The following NIBAN2 variants were observed in gnomAD, a reference collection of about 807,000 sequenced individuals.
The protein encoded by NIBAN2 is niban apoptosis regulator 2, also known as protein Niban 2.
NIBAN2 carries 36 observed loss-of-function variants against 81.8 expected under a neutral mutation model. The observed-to-expected ratio is 0.44, with a 90% CI of 0.34 to 0.58. NIBAN2 has a LOEUF of 0.58. NIBAN2 is among the 20% of genes least tolerant of loss of function. NIBAN2 has a pLI of 0.02. For synonymous variants in NIBAN2, 445 were observed against 441.6 expected (o/e 1.01, Z -0.10); for missense variants, 897 against 1,014.1 (o/e 0.88, Z 1.57).
chr9:127,551,763 T>C (rs1837581373), intron 1 of NIBAN2, among the ~76,000 whole-genome samples: 1 of 151,740 alleles, frequency 6.6e-6, no homozygotes, highest in African/African-American at 2.4e-5. Flanking sequence ...TACCACAGTG[T>C]CATGCACATG....
In NIBAN2 at chr9:127,507,812, A is replaced by G; in HGVS notation, c.1654+55T>C. 1 of 1,521,710 alleles carries G rather than the reference A, an allele frequency of 6.6e-7. No homozygotes were observed. The highest frequency in any genetic ancestry group is 9.1e-7 in the Non-Finnish European group (1 of 1,097,108). 94.3% of individuals were successfully genotyped at this position (1,521,710 alleles called of 1,614,324 possible). ...ACCCCCTCAGCTGCCACCACTTCTC[A>G]GCTGCGCCCCCAGCATCCTCCTGGC... is the stretch of plus-strand genomic sequence containing the variant. On this transcript the variant is annotated intron_variant, in intron 13 of 13. Transcript: ENST00000373312. This position sits in a 1 kb window ranked among gnomAD's most constrained non-coding sequence, Gnocchi z 6.8.
At position 127,508,494 on chromosome 9, in the gene NIBAN2, C is replaced by T; in HGVS notation, c.1362G>A (p.Gln454=). The T allele has an allele frequency of 6.2e-7, 1 of 1,613,964 alleles. No individual in the cohort carries two copies. Among genetic ancestry groups the T allele is most frequent in the African/African-American group, 1.3e-5 (1 of 75,042 alleles). ...AVYTFETLLH[Q]ELGKGPTKEE... ...CCTTGGTGGGCCCCTTCCCCAGCTC[C>T]TGGTGCAGGAGGGTCTCGAACGTAT... The change falls in exon 11 of 14, where the codon CAG becomes CAA. Residue 454 remains glutamine (Q), a synonymous_variant. Transcript: ENST00000373312. The surrounding 1 kb of genome is among the most constrained non-coding windows in gnomAD (Gnocchi z 6.4).
rs1836989034 is a variant in NIBAN2, at chr9:127,523,195, AT to A, written c.589+483del. 5.7e-3 allele frequency among the ~76,000 whole-genome samples: 26 copies of A among 4,558 alleles called. 5 individuals carry two copies. Among genetic ancestry groups the A allele is most frequent in the Non-Finnish European group, 8.9e-3 (22 of 2,474 alleles). The allele number at this position is 4,558 out of a possible 152,430, so 3.0% of individuals were successfully genotyped here. ...AAAAAAAAAAAAAAAAAAAAAAAAT[AT>A]ATATATATATATATATATATATATA... On this transcript the variant is annotated intron_variant, in intron 5 of 13. Coordinates refer to ENST00000373312, the MANE Select transcript of NIBAN2 (RefSeq NM_022833.4).
chr9:127,515,413 C>G (rs1444257994), intron 8 of NIBAN2, among the ~76,000 whole-genome samples: 7 of 150,650 alleles, frequency 4.6e-5, no homozygotes, highest in African/African-American at 1.7e-4. Flanking sequence ...CCCAGCTACT[C>G]AGGAGGCTGA....
At chr9:127,558,429 G>T (rs1276029853) in intron 1 of NIBAN2, among the ~76,000 whole-genome samples, 1 of 152,182 alleles carries the variant, frequency 6.6e-6, no homozygotes, top group African/African-American at 2.4e-5. Flanking sequence ...GAGAGCATAG[G>T]CATGTCCCAT....
At chr9:127,533,281 C>G (rs1837218102) in intron 1 of NIBAN2, among the ~76,000 whole-genome samples, 1 of 151,704 alleles carries the variant, frequency 6.6e-6, no homozygotes, top group African/African-American at 2.4e-5. Context: ...ACGGTGAAAC[C>G]CTGTATCTAC....
Position 127,523,859 on chromosome 9 carries a change from T to A in NIBAN2, c.422-13A>T. ...TTTGCCGTGGTCCCTGTGGAGACAG[T>A]GCCTGATGAGCAGCTGCCCTCTGTG... On this transcript the variant is annotated splice_polypyrimidine_tract_variant and intron_variant, in intron 4 of 13. Transcript: ENST00000373312. The A allele has an allele frequency of 6.2e-7, 1 of 1,602,492 alleles. No individual in the cohort carries two copies. Among genetic ancestry groups the A allele is most frequent in the Non-Finnish European group, 8.5e-7 (1 of 1,170,390 alleles).
chr9:127,557,536 G>A (rs1279704213), intron 1 of NIBAN2, among the ~76,000 whole-genome samples: 2 of 152,200 alleles, frequency 1.3e-5, no homozygotes, highest in Non-Finnish European at 2.9e-5. Flanking sequence ...TCCACCCGGG[G>A]GCCTCCAGGC....
chr9:127,573,191 G>T (rs1469753687), upstream of NIBAN2, among the ~76,000 whole-genome samples: 1 of 152,218 alleles, frequency 6.6e-6, no homozygotes, highest in Admixed American at 6.5e-5. Flanking sequence ...GTGAGTCCTT[G>T]TGGGGCCTAA....
intron 1 of NIBAN2, among the ~76,000 whole-genome samples, chr9:127,532,795 G>A (rs1294268937): frequency 1.3e-5 from 2 of 151,682 alleles, no homozygotes. Flanking sequence ...CACTTTGGGA[G>A]ACTAAGGCAG....
chr9:127,552,361 C>T (rs993171529), intron 1 of NIBAN2, among the ~76,000 whole-genome samples: 2 of 152,190 alleles, frequency 1.3e-5, no homozygotes. Flanking sequence ...TCACTTAAGG[C>T]CAGGAGTTTC....
At chr9:127,516,783 C>T in intron 8 of NIBAN2, 74 bp downstream of exon 8, 4 of 1,445,428 alleles carry the variant, frequency 2.8e-6, no homozygotes, top group Non-Finnish European at 3.8e-6. Context: ...GTGAAATTTA[C>T]ATGAATCATG....
intron 1 of NIBAN2, among the ~76,000 whole-genome samples, chr9:127,538,225 G>A (rs553566221): frequency 8.7e-4 from 133 of 152,236 alleles, no homozygotes; most frequent in Admixed American, 1.5e-3. Flanking sequence ...CATCCTATCG[G>A]GTTATTGAGG....
intron 1 of NIBAN2, among the ~76,000 whole-genome samples, chr9:127,574,525 G>T (rs1216118318): frequency 2.0e-5 from 3 of 152,086 alleles, no homozygotes; most frequent in Non-Finnish European, 2.9e-5. Context: ...TTCCGCAGGA[G>T]CCCAGCCCAA....
chr9:127,540,809 G>A (rs905632753), intron 1 of NIBAN2, among the ~76,000 whole-genome samples: 6 of 152,260 alleles, frequency 3.9e-5, no homozygotes, highest in African/African-American at 7.2e-5. Context: ...AGTGGAGGGC[G>A]CTGTGCCAGA....
At chr9:127,542,138 T>A (rs1837391274) in intron 1 of NIBAN2, among the ~76,000 whole-genome samples, 10 of 152,170 alleles carry the variant, frequency 6.6e-5, no homozygotes, top group Admixed American at 6.5e-4. Flanking sequence ...CTTCCAGTGG[T>A]ACAGCTCCTA....
intron 1 of NIBAN2, among the ~76,000 whole-genome samples, chr9:127,539,090 G>C (rs184792565): frequency 4.3e-4 from 66 of 152,164 alleles, no homozygotes; most frequent in African/African-American, 1.5e-3. Flanking sequence ...TGATCTTTTG[G>C]GAATGATAGA....
In NIBAN2 at chr9:127,517,500, G is replaced by A. The variant is rs1210973599; in HGVS notation, c.706-284C>T. 6.6e-6 allele frequency among the ~76,000 whole-genome samples: 1 copy of A among 152,148 alleles called. No individual in the cohort carries two copies. Among genetic ancestry groups the A allele is most frequent in the Non-Finnish European group, 1.5e-5 (1 of 68,020 alleles). ...ACCATACTCCCTCCCTGCTTTGCCT[G>A]CACATGGAAGTGTACATTTATTTGC... On this transcript the variant is annotated intron_variant, in intron 6 of 13. Coordinates refer to ENST00000373312, the MANE Select transcript of NIBAN2 (RefSeq NM_022833.4). This position sits in a 1 kb window ranked among gnomAD's most constrained non-coding sequence, Gnocchi z 4.0.
intron 1 of NIBAN2, among the ~76,000 whole-genome samples, chr9:127,558,705 T>C (rs542744347): frequency 6.6e-6 from 1 of 152,190 alleles, no homozygotes; most frequent in Admixed American, 6.5e-5. Context: ...TCCCAGAGAA[T>C]ACTGCTCTCA....
Sources: gnomAD v4.1 joint callset for allele counts (sites outside exome capture counted in the v4.1 genomes callset) on GRCh38, gnomAD v4.1.1 for gene constraint, Gnocchi (gnomAD v3.1) non-coding constraint, MANE v1.5 for transcripts, NCBI Gene and HGNC (gene_info 2026-07-23, HGNC 2026-07-21) for gene names.